Variants in MBP observed in about 807,000 individuals in gnomAD.
MBP encodes Golli-MBP.
A neutral mutation model predicts 35.8 loss-of-function variants in MBP; 16 were observed. The ratio of observed to expected loss-of-function variants is 0.45; its 90% CI spans 0.30 to 0.68. MBP has a LOEUF of 0.68. MBP is among the 30% of genes least tolerant of loss of function. MBP has a pLI of 0.08. For missense variants in MBP, 380 were observed against 404.7 expected, an observed-to-expected ratio of 0.94 and a Z score of 0.52; for synonymous variants, 143 against 159.6, an observed-to-expected ratio of 0.90 and a Z score of 0.78.
chr18:77,130,305 A>G (rs1488822318), intron 1 of MBP, among the ~76,000 whole-genome samples: 2 of 151,126 alleles, frequency 1.3e-5, no homozygotes, highest in Non-Finnish European at 3.0e-5. Context: ...AGCAGCAGTC[A>G]GGCGCTGGTG....
intron 4 of MBP, among the ~76,000 whole-genome samples, chr18:77,001,926 T>G (rs1403532351): frequency 6.6e-6 from 1 of 152,230 alleles, no homozygotes; most frequent in East Asian, 1.9e-4. Context: ...GTGTTCTTAC[T>G]GACACAGCCA....
intron 4 of MBP, chr18:77,015,112 A>ATG: frequency 1.0e-6 from 1 of 982,876 alleles, no homozygotes; most frequent in Non-Finnish European, 1.2e-6. Flanking sequence ...AAAAACATCT[A>ATG]TGTGTGTCAA....
chr18:76,980,545 G>C lies in MBP; in HGVS notation c.871-74C>G, dbSNP rs927665739. On this transcript the variant is annotated intron_variant, in intron 8 of 8. Coordinates refer to ENST00000355994, the MANE Select transcript of MBP (RefSeq NM_001025101.2). ...CCACACCAGCATCCCCTCTTCTGTG[G>C]TCCCGGGTGGATGCTGAGCCATTGG... The C allele has an allele frequency of 1.5e-5, 17 of 1,167,578 alleles. No homozygotes were observed. In the African/African-American group the frequency reaches 2.0e-4, roughly 14 times the overall value. The allele number at this position is 1,167,578 out of a possible 1,614,324, so 72.3% of individuals were successfully genotyped here.
At chr18:77,133,594 A>T (rs1307413690), upstream of MBP, 1 of 152,182 alleles carries the variant, frequency 6.6e-6, no homozygotes. Context: ...AGGTTGGGGG[A>T]GTCCCAGAAT....
At chr18:77,009,963 G>A (rs1031468527) in intron 4 of MBP, 79 of 1,460,906 alleles carry the variant, frequency 5.4e-5, no homozygotes, top group Non-Finnish European at 7.3e-5. Context: ...GTGAGTCCGG[G>A]TGGGCGCCGC....
intron 2 of MBP, among the ~76,000 whole-genome samples, chr18:77,067,529 C>T (rs1362632297): frequency 2.6e-5 from 4 of 152,204 alleles, no homozygotes; most frequent in Non-Finnish European, 5.9e-5. Context: ...AACCGTGTTG[C>T]ACTAATTTCC....
At chr18:77,060,448 CTT>C (rs74182682) in intron 3 of MBP, among the ~76,000 whole-genome samples, 9 of 97,572 alleles carry the variant, frequency 9.2e-5, no homozygotes, top group Admixed American at 2.2e-4. Flanking sequence ...TCTCTCTCTC[CTT>C]TTTTTTTTTT....
At chr18:77,094,289 A>C (rs1975669075) in intron 2 of MBP, among the ~76,000 whole-genome samples, 2 of 152,238 alleles carry the variant, frequency 1.3e-5, no homozygotes. Context: ...TTTCTCTTTA[A>C]AAGGATGCCT....
chr18:76,997,858 AT>A (rs745630255), intron 4 of MBP, among the ~76,000 whole-genome samples: 26 of 150,960 alleles, frequency 1.7e-4, no homozygotes, highest in Admixed American at 3.9e-4. Context: ...ATTTTTTTGT[AT>A]TTTTAGTAGA....
intron 2 of MBP, among the ~76,000 whole-genome samples, chr18:77,077,096 C>T (rs922047668): frequency 2.0e-5 from 3 of 152,082 alleles, no homozygotes; most frequent in Non-Finnish European, 4.4e-5. Flanking sequence ...TGTGGTGGCT[C>T]ATACCTGTAA....
chr18:77,058,567 G>A (rs1354123689), intron 3 of MBP, among the ~76,000 whole-genome samples: 1 of 152,240 alleles, frequency 6.6e-6, no homozygotes, highest in East Asian at 1.9e-4. Flanking sequence ...GCCCCCGCGT[G>A]CAGAATCCTG....
At chr18:77,115,393 A>G (rs1976627504) in intron 1 of MBP, 1 of 152,198 alleles carries the variant, frequency 6.6e-6, no homozygotes, top group Non-Finnish European at 1.5e-5. Flanking sequence ...TACACATAAG[A>G]GCTGTCGTCT....
intron 3 of MBP, among the ~76,000 whole-genome samples, chr18:77,048,196 G>A (rs572141665): frequency 1.2e-4 from 18 of 152,334 alleles, no homozygotes; most frequent in Admixed American, 7.2e-4. Flanking sequence ...GTGGGCAGTC[G>A]TGGTACCTGC....
intron 3 of MBP, among the ~76,000 whole-genome samples, chr18:77,046,018 G>GA (rs1973240809): frequency 6.6e-6 from 1 of 152,220 alleles, no homozygotes; most frequent in Non-Finnish European, 1.5e-5. Context: ...CACCAGGAGG[G>GA]AGAGCTTCAT....
intron 1 of MBP, among the ~76,000 whole-genome samples, chr18:77,107,244 T>C (rs1976308552): frequency 2.0e-5 from 3 of 152,224 alleles, no homozygotes; most frequent in Admixed American, 1.3e-4. Context: ...TAGTTAAGGT[T>C]GACAACTTGG....
rs1036305590 is a variant in MBP at position 77,116,102 on chromosome 18, C to T, written c.-25-10816G>A. On this transcript the variant is annotated intron_variant, in intron 1 of 8. Coordinates refer to ENST00000355994, the MANE Select transcript of MBP (RefSeq NM_001025101.2). ...GGTCATTAACCTCACTGTGGTCCCT[C>T]AGAAGACCTGGCTCTGAGCTGTCTC... Among the ~76,000 whole-genome samples the T allele has an allele frequency of 7.5e-5, 11 of 146,114 alleles. 1 individual carries two copies. The highest frequency in any genetic ancestry group is 2.2e-4 in the South Asian group (1 of 4,490).
intron 2 of MBP, among the ~76,000 whole-genome samples, chr18:77,091,611 C>A (rs538792759): frequency 7.9e-4 from 116 of 147,004 alleles, no homozygotes; most frequent in African/African-American, 1.2e-3. Flanking sequence ...ACACACACAC[C>A]CACCCACCCA....
intron 1 of MBP, among the ~76,000 whole-genome samples, chr18:77,123,849 C>T (rs1976960417): frequency 1.3e-5 from 2 of 152,218 alleles, no homozygotes; most frequent in South Asian, 4.1e-4. Context: ...TGTGTATTGA[C>T]CTCTGGAGCT....
intron 1 of MBP, among the ~76,000 whole-genome samples, chr18:77,119,300 T>A (rs1391782543): frequency 6.6e-6 from 1 of 151,796 alleles, no homozygotes; most frequent in Non-Finnish European, 1.5e-5. Context: ...TGCTTCCCCA[T>A]CCCCACGTGT....
Sources: allele counts gnomAD v4.1 joint callset (sites outside exome capture counted in the v4.1 genomes callset), GRCh38; gene constraint gnomAD v4.1.1; transcripts MANE v1.5; gene names NCBI Gene and HGNC (gene_info 2026-07-23, HGNC 2026-07-21).